Variants in NBEA observed in about 807,000 individuals in gnomAD.
NBEA encodes lysosomal-trafficking regulator 2.
NBEA carries 44 observed loss-of-function variants against 343.4 expected under a neutral mutation model. That is an observed-to-expected ratio of 0.13 (90% CI 0.10 to 0.16). The LOEUF is 0.16. Ranked by LOEUF, NBEA falls within the 10% of genes least tolerant of loss-of-function variation. The probability of loss-of-function intolerance (pLI) is 1.00; values close to 1 mark genes in which losing one functional copy is unlikely to be tolerated. For synonymous variants in NBEA, 1,175 were observed against 1,238.7 expected (o/e 0.95, Z 1.08); for missense variants, 2,555 against 3,631.3 (o/e 0.70, Z 7.62).
At chr13:35,608,335 A>G (rs547344532) in intron 48 of NBEA, among the ~76,000 whole-genome samples, 1 of 152,236 alleles carries the variant, frequency 6.6e-6, no homozygotes, top group Admixed American at 6.5e-5. Flanking sequence ...TTCAATTTAT[A>G]TTTTTAATGT....
intron 32 of NBEA, 116 bp from the exon 33 acceptor site, chr13:35,210,937 A>C (rs56157510): frequency 9.4e-7 from 1 of 1,061,450 alleles, no homozygotes; most frequent in East Asian, 2.7e-5. Context: ...TTAATTGTCA[A>C]ATTCGGTTTT....
intron 24 of NBEA, among the ~76,000 whole-genome samples, chr13:35,165,415 T>C (rs959707387): frequency 3.3e-5 from 5 of 152,178 alleles, no homozygotes; most frequent in Admixed American, 2.6e-4. Flanking sequence ...AAGGGAAGCA[T>C]TCCAGTTCAG....
At chr13:35,278,187 A>G (rs922234917) in intron 34 of NBEA, among the ~76,000 whole-genome samples, 1 of 149,716 alleles carries the variant, frequency 6.7e-6, no homozygotes, top group East Asian at 1.9e-4. Context: ...GTAGTGTACA[A>G]CAAGCATTAA....
chr13:34,965,780 G>A (rs1176316974), intron 1 of NBEA, among the ~76,000 whole-genome samples: 2 of 151,958 alleles, frequency 1.3e-5, no homozygotes, highest in African/African-American at 4.8e-5. Context: ...AGAAATTAAG[G>A]TAATGCATTA....
intron 38 of NBEA, among the ~76,000 whole-genome samples, chr13:35,361,628 G>C (rs1169686736): frequency 1.3e-5 from 2 of 151,974 alleles, no homozygotes; most frequent in Non-Finnish European, 2.9e-5. Context: ...GACCTTGCTT[G>C]TTTTGGGCAA....
At chr13:35,423,437 T>A (rs1056951848) in intron 38 of NBEA, among the ~76,000 whole-genome samples, 1 of 152,210 alleles carries the variant, frequency 6.6e-6, no homozygotes, top group African/African-American at 2.4e-5. Context: ...TTTTGTCAGA[T>A]TTGTCAAAGA....
At chr13:35,373,539 T>C (rs2041565674) in intron 38 of NBEA, among the ~76,000 whole-genome samples, 1 of 138,448 alleles carries the variant, frequency 7.2e-6, no homozygotes, top group African/African-American at 3.1e-5. Context: ...ACCCCATCTC[T>C]ATAAAAAATA....
intron 13 of NBEA, among the ~76,000 whole-genome samples, chr13:35,111,664 T>G (rs1722760823): frequency 6.6e-6 from 1 of 152,052 alleles, no homozygotes; most frequent in South Asian, 2.1e-4. Flanking sequence ...TTTACATCGT[T>G]TCTAAAGTTT....
intron 41 of NBEA, among the ~76,000 whole-genome samples, chr13:35,532,283 G>A (rs1411501300): frequency 6.6e-6 from 1 of 151,978 alleles, no homozygotes; most frequent in Non-Finnish European, 1.5e-5. Flanking sequence ...CTCATCACAT[G>A]AAAAGTACCT....
chr13:35,628,049 T>A, intron 48 of NBEA, 32 bp from the exon 49 acceptor site: 2 of 1,574,802 alleles, frequency 1.3e-6, no homozygotes, highest in Non-Finnish European at 1.7e-6. Flanking sequence ...TAAGTTTTGA[T>A]GGTCTCTCAT....
In NBEA at chr13:35,649,678, C is replaced by T. The variant is rs375277377; in HGVS notation, c.7794C>T (p.Leu2598=). ...AGTGTTTCCTTCCACAGAGTCCGCT[C>T]ATGTTTAAAGATCAGATGCAACAGG... The part of the protein sequence containing the change: ...MHLCFLPQSP[L]MFKDQMQQDV... The change falls in exon 52 of 59, where the codon CTC becomes CTT. Residue 2598 remains leucine, a synonymous_variant. Coordinates refer to ENST00000379939, the MANE Select transcript of NBEA (RefSeq NM_001385012.1). 1,192 of 1,613,804 alleles carry T rather than the reference C, an allele frequency of 7.4e-4. 4 individuals carry two copies. The highest frequency in any genetic ancestry group is 1.8e-3 in the South Asian group (163 of 91,064).
intron 34 of NBEA, among the ~76,000 whole-genome samples, chr13:35,273,865 A>G (rs1202326655): frequency 6.6e-6 from 1 of 152,150 alleles, no homozygotes; most frequent in African/African-American, 2.4e-5. Flanking sequence ...AATTGAGGCA[A>G]TAATTAATAG....
chr13:35,615,139 A>C (rs552977651), intron 48 of NBEA, among the ~76,000 whole-genome samples: 3 of 148,850 alleles, frequency 2.0e-5, no homozygotes, highest in Admixed American at 6.6e-5. Flanking sequence ...CAAAAAAAAA[A>C]AAAACAAAAA....
chr13:35,539,142 G>A (rs2078691315), intron 41 of NBEA, among the ~76,000 whole-genome samples: 1 of 152,178 alleles, frequency 6.6e-6, no homozygotes, highest in Non-Finnish European at 1.5e-5. Flanking sequence ...AGAATGCAGA[G>A]ACATACAGAA....
intron 33 of NBEA, among the ~76,000 whole-genome samples, chr13:35,218,805 T>C (rs2074209379): frequency 6.6e-6 from 1 of 152,062 alleles, no homozygotes; most frequent in South Asian, 2.1e-4. Context: ...ATTGATTTAA[T>C]TTTTAAATGC....
chr13:35,641,788 C>T (rs1025642215), intron 49 of NBEA, among the ~76,000 whole-genome samples: 2 of 151,846 alleles, frequency 1.3e-5, no homozygotes, highest in Non-Finnish European at 2.9e-5. Flanking sequence ...TTCCAAAGTC[C>T]TCTGTCTTAA....
At chr13:35,022,948 A>T (rs2061898882) in intron 1 of NBEA, among the ~76,000 whole-genome samples, 1 of 152,134 alleles carries the variant, frequency 6.6e-6, no homozygotes, top group Admixed American at 6.5e-5. Flanking sequence ...CTAGAAGAAG[A>T]TTTATGTTTT....
At chr13:35,049,214 C>T (rs1291729156) in intron 5 of NBEA, among the ~76,000 whole-genome samples, 1 of 151,746 alleles carries the variant, frequency 6.6e-6, no homozygotes, top group Non-Finnish European at 1.5e-5. Context: ...TTTTAGTATG[C>T]CAGTAATACA....
chr13:35,003,155 A>C (rs781020728), intron 1 of NBEA, among the ~76,000 whole-genome samples: 1 of 152,188 alleles, frequency 6.6e-6, no homozygotes, highest in African/African-American at 2.4e-5. Flanking sequence ...TGGATATATT[A>C]ATAATCAAAA....
Sources: gnomAD v4.1 joint callset for allele counts (sites outside exome capture counted in the v4.1 genomes callset) on GRCh38, gnomAD v4.1.1 for gene constraint, MANE v1.5 for transcripts, NCBI Gene and HGNC (gene_info 2026-07-23, HGNC 2026-07-21) for gene names.